The following ANK3 variants were observed in gnomAD, a reference collection of about 807,000 sequenced individuals.
ANK3 encodes ankyrin-3.
In ANK3, 57 loss-of-function variants were observed where a neutral mutation model predicts 370.9. That is an observed-to-expected ratio of 0.15 (90% CI 0.12 to 0.19). ANK3 has a LOEUF of 0.19. Among genes scored for constraint, ANK3 ranks in the 10% least tolerant of loss-of-function variants. ANK3 has a pLI of 1.00. For missense variants in ANK3, 4,439 were observed against 5,302.1 expected, an observed-to-expected ratio of 0.84 and a Z score of 5.06; for synonymous variants, 1,929 against 1,946.3, an observed-to-expected ratio of 0.99 and a Z score of 0.23.
intron 8 of ANK3, among the ~76,000 whole-genome samples, chr10:60,225,727 A>G (rs1018938380): frequency 5.3e-5 from 8 of 152,022 alleles, no homozygotes; most frequent in Non-Finnish European, 1.0e-4. Context: ...CTACTTGGAA[A>G]ACTACAGCCT....
chr10:60,422,771 C>T (rs2063804553), intron 2 of ANK3, among the ~76,000 whole-genome samples: 2 of 151,860 alleles, frequency 1.3e-5, no homozygotes, highest in Admixed American at 1.3e-4. Flanking sequence ...AGAGCTTTGC[C>T]AAATATTAAA....
intron 43 of ANK3, among the ~76,000 whole-genome samples, chr10:60,038,455 G>A (rs2075511071): frequency 6.6e-6 from 1 of 152,150 alleles, no homozygotes; most frequent in African/African-American, 2.4e-5. Flanking sequence ...TTAATGGGGT[G>A]GGTGGTTTTT....
chr10:60,506,272 A>G (rs1466982355), intron 2 of ANK3, among the ~76,000 whole-genome samples: 1 of 152,144 alleles, frequency 6.6e-6, no homozygotes, highest in Non-Finnish European at 1.5e-5. Context: ...AACTCAGTTA[A>G]CATCAGCACC....
At chr10:60,375,041 G>T (rs754481463) in intron 1 of ANK3, among the ~76,000 whole-genome samples, 10 of 152,096 alleles carry the variant, frequency 6.6e-5, no homozygotes, top group Non-Finnish European at 1.0e-4. Context: ...GTATATACAC[G>T]CACAGAAAAA....
chr10:60,354,055 T>C (rs1165600875), intron 1 of ANK3, among the ~76,000 whole-genome samples: 1 of 152,226 alleles, frequency 6.6e-6, no homozygotes, highest in South Asian at 2.1e-4. Context: ...CAAAGTTGAA[T>C]AAATAGCCCA....
intron 2 of ANK3, among the ~76,000 whole-genome samples, chr10:60,614,229 C>A (rs1254695783): frequency 6.6e-6 from 1 of 151,992 alleles, no homozygotes; most frequent in Non-Finnish European, 1.5e-5. Context: ...TTTTTACTTA[C>A]CAAAATGGCA....
chr10:60,369,493 G>A (rs960364232), intron 1 of ANK3, among the ~76,000 whole-genome samples: 1 of 152,122 alleles, frequency 6.6e-6, no homozygotes, highest in African/African-American at 2.4e-5. Flanking sequence ...CAGCACAAAA[G>A]GCTGAGTCTA....
chr10:60,263,628 G>C (rs776965395), intron 6 of ANK3, among the ~76,000 whole-genome samples: 28 of 152,270 alleles, frequency 1.8e-4, no homozygotes, highest in Middle Eastern at 3.4e-3. Flanking sequence ...CTTTTAGCAC[G>C]CATAGGGCCG....
chr10:60,310,622 G>T (rs962716474), intron 1 of ANK3, among the ~76,000 whole-genome samples: 1 of 152,098 alleles, frequency 6.6e-6, no homozygotes, highest in Non-Finnish European at 1.5e-5. Flanking sequence ...TCAATGTGAC[G>T]GTGCATTAAG....
chr10:60,360,980 C>T (rs1376519184), intron 1 of ANK3, among the ~76,000 whole-genome samples: 1 of 152,022 alleles, frequency 6.6e-6, no homozygotes, highest in African/African-American at 2.4e-5. Flanking sequence ...GCCACACCTG[C>T]TTAAATTATT....
At chr10:60,395,572 C>G (rs1165331243) in intron 2 of ANK3, among the ~76,000 whole-genome samples, 1 of 112,714 alleles carries the variant, frequency 8.9e-6, no homozygotes, top group Non-Finnish European at 1.9e-5. Flanking sequence ...TTCTTTCTTT[C>G]TTTCTTTCTT....
chr10:60,114,555 C>T (rs1353480945), intron 25 of ANK3, among the ~76,000 whole-genome samples: 1 of 152,080 alleles, frequency 6.6e-6, no homozygotes, highest in African/African-American at 2.4e-5. Context: ...AAGAAAGCTC[C>T]CTGGGTAACT....
chr10:60,600,232 T>G (rs1053187355), intron 2 of ANK3, among the ~76,000 whole-genome samples: 1 of 152,224 alleles, frequency 6.6e-6, no homozygotes, highest in African/African-American at 2.4e-5. Flanking sequence ...ACAATGACAC[T>G]GTTTTCAGTT....
intron 1 of ANK3, among the ~76,000 whole-genome samples, chr10:60,682,841 C>T (rs1316908600): frequency 6.6e-6 from 1 of 152,164 alleles, no homozygotes; most frequent in Non-Finnish European, 1.5e-5. Context: ...TATAATAAAC[C>T]AGTAAACACA....
chr10:60,344,417 T>C (rs1478141833), intron 1 of ANK3, among the ~76,000 whole-genome samples: 1 of 152,150 alleles, frequency 6.6e-6, no homozygotes, highest in Non-Finnish European at 1.5e-5. Context: ...ATGCCAAAGA[T>C]GCTATGGGAG....
chr10:60,107,738 G>T (rs1258822502), intron 27 of ANK3, among the ~76,000 whole-genome samples: 1 of 152,020 alleles, frequency 6.6e-6, no homozygotes, highest in Non-Finnish European at 1.5e-5. Flanking sequence ...ACTTTTAAAA[G>T]ATCTAATTAC....
At chr10:60,398,947 T>C (rs1216766155) in intron 2 of ANK3, among the ~76,000 whole-genome samples, 7 of 152,196 alleles carry the variant, frequency 4.6e-5, no homozygotes, top group Non-Finnish European at 7.3e-5. Context: ...TATATTTTAT[T>C]TGTAATTTCC....
chr10:60,540,355 T>C (rs1308191225), intron 2 of ANK3, among the ~76,000 whole-genome samples: 1 of 151,946 alleles, frequency 6.6e-6, no homozygotes, highest in African/African-American at 2.4e-5. Context: ...TTCCTGGTTC[T>C]AGTCTTTTCT....
intron 2 of ANK3, among the ~76,000 whole-genome samples, chr10:60,471,716 A>G (rs1036201230): frequency 2.0e-5 from 3 of 152,134 alleles, no homozygotes; most frequent in Non-Finnish European, 4.4e-5. Context: ...ATTATAAGAA[A>G]TTAATAATTT....
Sources: allele counts gnomAD v4.1 joint callset (sites outside exome capture counted in the v4.1 genomes callset), GRCh38; gene constraint gnomAD v4.1.1; transcripts MANE v1.5; gene names NCBI Gene and HGNC (gene_info 2026-07-23, HGNC 2026-07-21).